The following ADGRL3 variants were observed in gnomAD, a reference collection of about 807,000 sequenced individuals.
ADGRL3 encodes the protein calcium-independent alpha-latrotoxin receptor 3.
A neutral mutation model predicts 153.5 loss-of-function variants in ADGRL3; 62 were observed. The observed-to-expected ratio is 0.40, with a 90% CI of 0.33 to 0.50. The LOEUF (loss-of-function observed/expected upper bound fraction) is 0.50. Among genes scored for constraint, ADGRL3 ranks in the 20% least tolerant of loss-of-function variants. The pLI is 0.47. For missense variants in ADGRL3, 1,641 were observed against 1,859.4 expected, an observed-to-expected ratio of 0.88 and a Z score of 2.16; for synonymous variants, 710 against 672.5, an observed-to-expected ratio of 1.06 and a Z score of -0.86.
At chr4:61,507,430 A>G (rs1258262429) in intron 3 of ADGRL3, among the ~76,000 whole-genome samples, 1 of 152,312 alleles carries the variant, frequency 6.6e-6, no homozygotes, top group South Asian at 2.1e-4. Context: ...TTTTAAAAGT[A>G]GGTGTCCAAT....
chr4:61,425,679 G>A (rs533760821), intron 2 of ADGRL3, among the ~76,000 whole-genome samples: 1 of 152,296 alleles, frequency 6.6e-6, no homozygotes, highest in South Asian at 2.1e-4. Flanking sequence ...TTACTGGGGA[G>A]CTCATATTAG....
At chr4:61,333,578 T>A (rs1045187764) in intron 1 of ADGRL3, among the ~76,000 whole-genome samples, 2 of 152,116 alleles carry the variant, frequency 1.3e-5, no homozygotes, top group African/African-American at 4.8e-5. Context: ...TAAAATTTCA[T>A]TTGCACTTTT....
At chr4:61,260,509 CT>C (rs768080296) in intron 1 of ADGRL3, among the ~76,000 whole-genome samples, 3 of 152,042 alleles carry the variant, frequency 2.0e-5, no homozygotes, top group Non-Finnish European at 4.4e-5. Flanking sequence ...CATTTACTGC[CT>C]TTCTAATGTT....
intron 1 of ADGRL3, among the ~76,000 whole-genome samples, chr4:61,329,711 A>G (rs1375131886): frequency 2.6e-5 from 4 of 152,246 alleles, no homozygotes; most frequent in African/African-American, 4.8e-5. Flanking sequence ...TATAGTATAC[A>G]GTTTTGTGTT....
chr4:61,525,201 TGATAAAGCTCTTTTA>T (rs1374047938), intron 4 of ADGRL3, among the ~76,000 whole-genome samples: 1 of 152,074 alleles, frequency 6.6e-6, no homozygotes, highest in African/African-American at 2.4e-5. Flanking sequence ...AAAGGAGGAT[TGATAAAGCTCTTTTA>T]GATAAGGTAG....
intron 6 of ADGRL3, among the ~76,000 whole-genome samples, chr4:61,704,001 A>C (rs1204077230): frequency 6.6e-6 from 1 of 152,192 alleles, no homozygotes; most frequent in Non-Finnish European, 1.5e-5. Flanking sequence ...CTTTCTTTAG[A>C]TATAACACCT....
chr4:62,018,047 A>C (rs1308387681), intron 21 of ADGRL3, among the ~76,000 whole-genome samples: 1 of 152,118 alleles, frequency 6.6e-6, no homozygotes, highest in Non-Finnish European at 1.5e-5. Flanking sequence ...GAGAGATTCA[A>C]AAGAATATAG....
intron 5 of ADGRL3, among the ~76,000 whole-genome samples, chr4:61,658,231 T>A (rs192345764): frequency 6.6e-6 from 1 of 152,266 alleles, no homozygotes; most frequent in Non-Finnish European, 1.5e-5. Context: ...TGACTTTACT[T>A]ATTTTTTCCA....
chr4:61,252,625 G>A (rs1180341692), intron 1 of ADGRL3, among the ~76,000 whole-genome samples: 1 of 151,578 alleles, frequency 6.6e-6, no homozygotes, highest in Non-Finnish European at 1.5e-5. Flanking sequence ...TCAGCTAATA[G>A]CTCGCTTTGT....
At chr4:61,896,670 A>G (rs2098633434) in intron 11 of ADGRL3, among the ~76,000 whole-genome samples, 1 of 152,194 alleles carries the variant, frequency 6.6e-6, no homozygotes, top group South Asian at 2.1e-4. Context: ...ATGAGCCATA[A>G]CTATCTATTT....
intron 8 of ADGRL3, among the ~76,000 whole-genome samples, chr4:61,789,556 T>C (rs1269793144): frequency 2.6e-5 from 4 of 152,194 alleles, no homozygotes; most frequent in Non-Finnish European, 5.9e-5. Flanking sequence ...TTGCTTCAAT[T>C]TTCTAATTAT....
At chr4:62,021,131 C>T (rs1254501880) in intron 21 of ADGRL3, among the ~76,000 whole-genome samples, 1 of 151,762 alleles carries the variant, frequency 6.6e-6, no homozygotes, top group Admixed American at 6.6e-5. Context: ...CCTACAACCC[C>T]TTTTTTGAGG....
chr4:61,909,451 A>G (rs1231260145), intron 11 of ADGRL3, 109 bp from the exon 12 acceptor site: 14 of 704,172 alleles, frequency 2.0e-5, no homozygotes, highest in East Asian at 2.9e-5. Context: ...TTTAACAACT[A>G]TTTCTTGAAT....
At chr4:61,513,750 C>G (rs1355783156) in intron 3 of ADGRL3, among the ~76,000 whole-genome samples, 2 of 151,868 alleles carry the variant, frequency 1.3e-5, no homozygotes, top group Admixed American at 6.6e-5. Context: ...AAAATCTCCC[C>G]CTCAATTCAA....
chr4:61,460,975 C>G (rs2097805929), intron 2 of ADGRL3, among the ~76,000 whole-genome samples: 1 of 152,078 alleles, frequency 6.6e-6, no homozygotes, highest in African/African-American at 2.4e-5. Context: ...GAGGCTGAGG[C>G]AGGAGAATTG....
At chr4:61,262,449 T>C (rs2092590115) in intron 1 of ADGRL3, among the ~76,000 whole-genome samples, 1 of 152,072 alleles carries the variant, frequency 6.6e-6, no homozygotes. Context: ...TTGTGTTGTT[T>C]CTAGATTTCA....
At chr4:61,785,023 A>G (rs1660169728) in intron 8 of ADGRL3, among the ~76,000 whole-genome samples, 1 of 152,176 alleles carries the variant, frequency 6.6e-6, no homozygotes, top group South Asian at 2.1e-4. Flanking sequence ...AATGAATGAC[A>G]TGTAAGTGAC....
chr4:61,429,683 A>T (rs2097332082), intron 2 of ADGRL3, among the ~76,000 whole-genome samples: 2 of 152,100 alleles, frequency 1.3e-5, no homozygotes, highest in South Asian at 2.1e-4. Context: ...AGGCATTGTG[A>T]TTTAAGAAAT....
At chr4:61,414,137 C>T (rs2152286977) in intron 2 of ADGRL3, among the ~76,000 whole-genome samples, 1 of 152,274 alleles carries the variant, frequency 6.6e-6, no homozygotes, top group Middle Eastern at 3.4e-3. Flanking sequence ...TCTCAGGAGT[C>T]ACTATTAGTC....
Sources: allele counts gnomAD v4.1 joint callset (sites outside exome capture counted in the v4.1 genomes callset), GRCh38; gene constraint gnomAD v4.1.1; transcripts MANE v1.5; gene names NCBI Gene and HGNC (gene_info 2026-07-23, HGNC 2026-07-21).